The following LCOR variants were observed in gnomAD, a reference collection of about 807,000 sequenced individuals.
LCOR encodes the protein ligand dependent nuclear receptor corepressor.
A neutral mutation model predicts 64.4 loss-of-function variants in LCOR; 14 were observed. That is an observed-to-expected ratio of 0.22 (90% confidence interval 0.14 to 0.34). The LOEUF (loss-of-function observed/expected upper bound fraction) is 0.34. Among genes scored for constraint, LCOR ranks in the 10% least tolerant of loss-of-function variants. The probability of loss-of-function intolerance (pLI) is 1.00; values close to 1 mark genes in which losing one functional copy is unlikely to be tolerated. For missense variants in LCOR, 1,686 were observed against 1,765.3 expected (o/e 0.96, Z 0.80); for synonymous variants, 643 against 642.5 (o/e 1.00, Z -0.01).
At chr10:96,915,543 T>A in intron 4 of LCOR, 1 of 607,420 alleles carries the variant, frequency 1.6e-6, no homozygotes, top group Admixed American at 2.3e-5. Flanking sequence ...TAAAACAAAA[T>A]TCTGCATTTT....
At chr10:96,837,077 C>T (rs1475021093) in intron 2 of LCOR, among the ~76,000 whole-genome samples, 6 of 151,906 alleles carry the variant, frequency 3.9e-5, no homozygotes, top group East Asian at 1.9e-4. Context: ...CTGCAAGTTC[C>T]GCCTCCTGGG....
intron 2 of LCOR, among the ~76,000 whole-genome samples, chr10:96,882,883 T>C (rs1175380338): frequency 6.6e-6 from 1 of 152,146 alleles, no homozygotes; most frequent in Non-Finnish European, 1.5e-5. Context: ...CTTTAATGCG[T>C]ATTACTCCAT....
chr10:96,985,140 A>C lies in LCOR; in HGVS notation c.*6A>C. Reference sequence around the variant, plus strand: ...GGCGGCTGGATGCAAAGTGATTGGAAAGATGGTAGCCAAGAGTAAAACTGT... The same window carrying C: ...GGCGGCTGGATGCAAAGTGATTGGACAGATGGTAGCCAAGAGTAAAACTGT... On this transcript the variant is annotated 3_prime_UTR_variant, in exon 8 of 8. Transcript: ENST00000421806. 1.3e-6 allele frequency: 2 copies of C among 1,584,710 alleles called. No individual in the cohort carries two copies. Among genetic ancestry groups the C allele is most frequent in the East Asian group, 2.2e-5 (1 of 44,626 alleles).
At chr10:96,892,687 T>TG (rs1240635172) in intron 2 of LCOR, among the ~76,000 whole-genome samples, 2 of 152,152 alleles carry the variant, frequency 1.3e-5, no homozygotes, top group African/African-American at 2.4e-5. Flanking sequence ...TATGAATTTT[T>TG]GGGGGGACTC....
Position 96,841,855 on chromosome 10 carries a change from G to A in LCOR, c.-330+8376G>A, listed in dbSNP as rs767865301. ...ACTCAAGCAGTCCTCCCACCTCAAC[G>A]TCCCAAAGTGCTGGGATTACAGGCA... On this transcript the variant is annotated intron_variant, in intron 2 of 7. Transcript: ENST00000421806. Among the ~76,000 whole-genome samples, 245 of 151,436 alleles carry A rather than the reference G, an allele frequency of 1.6e-3. 6 individuals are homozygous for A. The highest frequency in any genetic ancestry group is 1.4e-3 in the East Asian group (7 of 5,158).
intron 7 of LCOR, chr10:96,954,993 C>A: frequency 6.2e-7 from 1 of 1,614,038 alleles, no homozygotes; most frequent in Non-Finnish European, 8.5e-7. Context: ...AGACGGACTT[C>A]GGAGTGGTGA....
chr10:96,834,644 C>T (rs552252213), intron 2 of LCOR, among the ~76,000 whole-genome samples: 4 of 152,146 alleles, frequency 2.6e-5, no homozygotes, highest in African/African-American at 9.6e-5. Flanking sequence ...GTATGTTTTA[C>T]ATTTGTTAGT....
At position 96,908,905 on chromosome 10, in the gene LCOR, C is replaced by T. The variant is rs374924547; in HGVS notation, c.-184+1158C>T. On this transcript the variant is annotated intron_variant, in intron 4 of 7. Coordinates refer to ENST00000421806, the MANE Select transcript of LCOR (RefSeq NM_001346516.2). ...TAATTTTTTGTATTTTTAGTAGAGA[C>T]GGGGTTTCACTGTGTTAGCCAGGAT... Among the ~76,000 whole-genome samples, 1,468 of 152,042 alleles carry T rather than the reference C, an allele frequency of 9.7e-3. 32 individuals are homozygous for T. The highest frequency in any genetic ancestry group is 0.033 in the African/African-American group (1,384 of 41,486).
At chr10:96,857,025 C>CT (rs995573641) in intron 2 of LCOR, among the ~76,000 whole-genome samples, 17 of 151,604 alleles carry the variant, frequency 1.1e-4, no homozygotes, top group East Asian at 9.6e-4. Context: ...TTCTCTTACT[C>CT]TTTTTTTTAG....
At chr10:96,955,066 T>C (rs1847744341) in intron 7 of LCOR, 2 of 1,614,072 alleles carry the variant, frequency 1.2e-6, no homozygotes, top group African/African-American at 2.7e-5. Context: ...TCCACATCAC[T>C]CAAAGTTCCA....
At position 96,873,575 on chromosome 10, in the gene LCOR, T is replaced by TAC. The variant is rs1306935288; in HGVS notation, c.-329-33690_-329-33689insAC. On this transcript the variant is annotated intron_variant, in intron 2 of 7. Transcript: ENST00000421806. ...TTTTCGATACACACACACACACGTG[T>TAC]GTGTGTGTGTGTGTGTGTGTGTGTG... Among the ~76,000 whole-genome samples, 62 of 70,884 alleles carry TAC rather than the reference T, an allele frequency of 8.7e-4. No individual in the cohort carries two copies. The East Asian group carries it at 0.027, about 31-fold the overall frequency. The allele number at this position is 70,884 out of a possible 152,430, so 46.5% of individuals were successfully genotyped here.
intron 2 of LCOR, among the ~76,000 whole-genome samples, chr10:96,862,646 G>A (rs1845906465): frequency 6.6e-6 from 1 of 152,154 alleles, no homozygotes; most frequent in Non-Finnish European, 1.5e-5. Context: ...GAGTTTGGAA[G>A]GTGGGTTGCA....
rs1407221328 is a variant in LCOR, at chr10:96,915,607, C to T, written c.-184+7860C>T. 11 of 834,840 alleles carry T rather than the reference C, an allele frequency of 1.3e-5. No individual in the cohort carries two copies. In the African/African-American group the frequency reaches 1.7e-4, roughly 13 times the overall value. The allele number at this position is 834,840 out of a possible 1,614,324, so 51.7% of individuals were successfully genotyped here. A position where few individuals can be genotyped will look rare whatever the true frequency, so the allele number is the denominator to read the frequency against. ...AAACTATACAGTCACCAGAAGTACA[C>T]AGTTATCAAAAATGCACACACTTCA... On this transcript the variant is annotated intron_variant, in intron 4 of 7. Transcript: ENST00000421806.
rs1005487845 is a variant in LCOR, at chr10:96,951,218, C to T, written c.239-885C>T. Among the ~76,000 whole-genome samples, 4 of 152,036 alleles carry T rather than the reference C, an allele frequency of 2.6e-5. No individual in the cohort carries two copies. The South Asian group carries it at 8.3e-4, about 32-fold the overall frequency. ...TAAAAGACTTCTTTTCCAGGTATTT[C>T]AACAAGGAGAAAAACGTCTTTGAGG... On this transcript the variant is annotated intron_variant, in intron 6 of 7. Coordinates refer to ENST00000421806, the MANE Select transcript of LCOR (RefSeq NM_001346516.2).
intron 7 of LCOR, chr10:96,957,315 G>GT: frequency 1.0e-6 from 1 of 985,098 alleles, no homozygotes; most frequent in Non-Finnish European, 1.2e-6. Flanking sequence ...TTGAGATCAT[G>GT]TTTGTATAAG....
chr10:96,918,911 G>A (rs1847000911), intron 4 of LCOR, among the ~76,000 whole-genome samples: 1 of 152,174 alleles, frequency 6.6e-6, no homozygotes, highest in African/African-American at 2.4e-5. Context: ...CTGCAGCACT[G>A]CTCAAAGTTT....
At chr10:96,955,706 G>A in intron 7 of LCOR, 1 of 1,614,202 alleles carries the variant, frequency 6.2e-7, no homozygotes, top group Non-Finnish European at 8.5e-7. Context: ...CAGTGGTTAT[G>A]AGTGGAAAAA....
intron 2 of LCOR, among the ~76,000 whole-genome samples, chr10:96,843,220 G>A (rs747562306): frequency 6.6e-6 from 1 of 152,210 alleles, no homozygotes; most frequent in Non-Finnish European, 1.5e-5. Context: ...AAACTCCTGG[G>A]GTCAAAGTGA....
At chr10:96,912,185 C>T (rs1473392662) in intron 4 of LCOR, among the ~76,000 whole-genome samples, 3 of 152,242 alleles carry the variant, frequency 2.0e-5, no homozygotes, top group South Asian at 4.1e-4. Context: ...CCACCCGCCT[C>T]GGCCTCCCAA....
Sources: gnomAD v4.1 joint callset for allele counts (sites outside exome capture counted in the v4.1 genomes callset) on GRCh38, gnomAD v4.1.1 for gene constraint, MANE v1.5 for transcripts, NCBI Gene and HGNC (gene_info 2026-07-23, HGNC 2026-07-21) for gene names.